Variants in CNTN3 observed in about 807,000 individuals in gnomAD.
CNTN3 encodes the protein contactin 3, also known as contactin-3.
CNTN3 carries 60 observed loss-of-function variants against 119.1 expected under a neutral mutation model. That is an observed-to-expected ratio of 0.50 (90% CI 0.41 to 0.62). The LOEUF (loss-of-function observed/expected upper bound fraction) is 0.62. Ranked by LOEUF, CNTN3 falls within the 20% of genes least tolerant of loss-of-function variation. The pLI is 0.00. For synonymous variants in CNTN3, 450 were observed against 438.7 expected, an observed-to-expected ratio of 1.03 and a Z score of -0.32; for missense variants, 1,101 against 1,242.4, an observed-to-expected ratio of 0.89 and a Z score of 1.71.
At chr3:74,377,017 A>C (rs1704491936) in intron 5 of CNTN3, among the ~76,000 whole-genome samples, 1 of 152,186 alleles carries the variant, frequency 6.6e-6, no homozygotes, top group South Asian at 2.1e-4. Flanking sequence ...ATATGATTAT[A>C]AGATCAATAT....
At chr3:74,464,608 A>G (rs947256908) in intron 4 of CNTN3, among the ~76,000 whole-genome samples, 11 of 152,188 alleles carry the variant, frequency 7.2e-5, no homozygotes, top group Non-Finnish European at 1.5e-4. Context: ...TAAATCCAGT[A>G]GGTGGCATCT....
intron 1 of CNTN3, among the ~76,000 whole-genome samples, chr3:74,562,392 T>G (rs17012611): frequency 0.041 from 6,234 of 152,282 alleles, 333 homozygotes; most frequent in East Asian, 0.2. Context: ...CTTTCAATGT[T>G]TGCTTCATAT....
At chr3:74,319,828 AC>A (rs1702939309) in intron 13 of CNTN3, among the ~76,000 whole-genome samples, 2 of 151,900 alleles carry the variant, frequency 1.3e-5, no homozygotes, top group South Asian at 4.1e-4. Flanking sequence ...AAAAAAAAAA[AC>A]AAACAACCCC....
chr3:74,487,614 G>A (rs940395987), intron 3 of CNTN3, among the ~76,000 whole-genome samples: 1 of 152,130 alleles, frequency 6.6e-6, no homozygotes, highest in Non-Finnish European at 1.5e-5. Flanking sequence ...TAATTGGTGG[G>A]ATCAGGAGTG....
At chr3:74,520,647 T>C (rs1703528507) in intron 2 of CNTN3, among the ~76,000 whole-genome samples, 1 of 151,524 alleles carries the variant, frequency 6.6e-6, no homozygotes, top group Non-Finnish European at 1.5e-5. Flanking sequence ...GTCCTTTAGA[T>C]AAGTTATTTG....
Position 74,285,214 on chromosome 3 carries a change from C to G in CNTN3, c.2704+91G>C, listed in dbSNP as rs901251965. 20 of 1,335,490 alleles carry G rather than the reference C, an allele frequency of 1.5e-5. No homozygotes were observed. In the East Asian group the frequency reaches 3.6e-4, roughly 24 times the overall value. 82.7% of individuals were successfully genotyped at this position (1,335,490 alleles called of 1,614,324 possible). A position where few individuals can be genotyped will look rare whatever the true frequency, so the allele number is the denominator to read the frequency against. The stretch of plus-strand genomic sequence containing the variant: ...TTATATAATCTAGTGAGATTAATGA[C>G]TTGGGTTGTCCATTTCAAATAATAG... On this transcript the variant is annotated intron_variant, in intron 20 of 22. Coordinates refer to ENST00000263665, the MANE Select transcript of CNTN3 (RefSeq NM_020872.3).
chr3:74,403,178 C>A (rs138202954), intron 5 of CNTN3, among the ~76,000 whole-genome samples: 1 of 152,102 alleles, frequency 6.6e-6, no homozygotes, highest in East Asian at 1.9e-4. Flanking sequence ...AGGATGACTG[C>A]ATAAGGAAAC....
chr3:74,607,719 T>C (rs1415433586), intron 1 of CNTN3, among the ~76,000 whole-genome samples: 2 of 152,072 alleles, frequency 1.3e-5, no homozygotes, highest in South Asian at 2.1e-4. Context: ...ACAAGACAAA[T>C]ATTTGCATGG....
At position 74,296,358 on chromosome 3, in the gene CNTN3, G is replaced by A. The variant is rs115492642; in HGVS notation, c.2402-1122C>T. On this transcript the variant is annotated intron_variant, in intron 18 of 22. Coordinates refer to ENST00000263665, the MANE Select transcript of CNTN3 (RefSeq NM_020872.3). Reference sequence around the variant, plus strand: ...CTGGATGCACAGGTAAACAGTGTCCGAAAACTCCCTGGATAATGGCCATCA... The same window carrying A: ...CTGGATGCACAGGTAAACAGTGTCCAAAAACTCCCTGGATAATGGCCATCA... Among the ~76,000 whole-genome samples, 695 of 152,172 alleles carry A rather than the reference G, an allele frequency of 4.6e-3. 8 individuals carry two copies. The highest frequency in any genetic ancestry group is 0.016 in the African/African-American group (669 of 41,534).
At chr3:74,430,803 G>C (rs924027552) in intron 4 of CNTN3, among the ~76,000 whole-genome samples, 1 of 152,026 alleles carries the variant, frequency 6.6e-6, no homozygotes, top group African/African-American at 2.4e-5. Context: ...AGGGAAATAT[G>C]AATTAAAAAA....
chr3:74,304,988 T>C (rs1483770344), intron 13 of CNTN3, among the ~76,000 whole-genome samples: 3 of 152,198 alleles, frequency 2.0e-5, no homozygotes, highest in African/African-American at 2.4e-5. Context: ...TCCCACTCTA[T>C]GATCTTTTAA....
At chr3:74,362,203 A>G (rs569900032) in intron 10 of CNTN3, among the ~76,000 whole-genome samples, 163 bp from the exon 11 acceptor site, 2 of 152,224 alleles carry the variant, frequency 1.3e-5, no homozygotes. Context: ...AATTCATGTT[A>G]TTATGTTTTC....
At chr3:74,563,331 C>G (rs369977241) in intron 1 of CNTN3, among the ~76,000 whole-genome samples, 1 of 152,132 alleles carries the variant, frequency 6.6e-6, no homozygotes, top group Non-Finnish European at 1.5e-5. Context: ...GACAAAAAAG[C>G]TTACATCTAC....
At chr3:74,539,276 T>C (rs1004890906) in intron 1 of CNTN3, among the ~76,000 whole-genome samples, 2 of 152,140 alleles carry the variant, frequency 1.3e-5, no homozygotes, top group African/African-American at 4.8e-5. Context: ...TGAATATTGG[T>C]GCTAAGAAAT....
chr3:74,446,857 G>A (rs1202700193), intron 4 of CNTN3, among the ~76,000 whole-genome samples: 2 of 151,740 alleles, frequency 1.3e-5, no homozygotes, highest in Admixed American at 6.6e-5. Context: ...AAGTTTTTTT[G>A]AGTCAGACTG....
intron 1 of CNTN3, among the ~76,000 whole-genome samples, chr3:74,585,260 G>A (rs562876234): frequency 1.3e-5 from 2 of 152,078 alleles, no homozygotes; most frequent in South Asian, 2.1e-4. Context: ...GAGTTACTGG[G>A]AGAATCACAA....
At chr3:74,324,236 G>A (rs1703076341) in intron 13 of CNTN3, among the ~76,000 whole-genome samples, 1 of 149,612 alleles carries the variant, frequency 6.7e-6, no homozygotes, top group Admixed American at 6.7e-5. Flanking sequence ...TTTTGAGACA[G>A]AGTTTTGCTC....
At chr3:74,358,440 T>TAA (rs748434044) in intron 11 of CNTN3, among the ~76,000 whole-genome samples, 5 of 135,450 alleles carry the variant, frequency 3.7e-5, no homozygotes, top group African/African-American at 5.4e-5. Flanking sequence ...TTCCCGTCCA[T>TAA]AAAAAAAAAA....
At chr3:74,562,771 T>C (rs2107175950) in intron 1 of CNTN3, among the ~76,000 whole-genome samples, 1 of 152,098 alleles carries the variant, frequency 6.6e-6, no homozygotes, top group East Asian at 1.9e-4. Flanking sequence ...CTGCTCTGCC[T>C]GGACATGCCA....
Sources: gnomAD v4.1 joint callset for allele counts (sites outside exome capture counted in the v4.1 genomes callset) on GRCh38, gnomAD v4.1.1 for gene constraint, MANE v1.5 for transcripts, NCBI Gene and HGNC (gene_info 2026-07-23, HGNC 2026-07-21) for gene names.